NICN1: variants seen among roughly 807,000 people sequenced by gnomAD.
The protein encoded by NICN1 is nicolin 1, tubulin polyglutamylase complex subunit.
A neutral mutation model predicts 26.3 loss-of-function variants in NICN1; 18 were observed. That is an observed-to-expected ratio of 0.68 (90% CI 0.47 to 1.01). The LOEUF (loss-of-function observed/expected upper bound fraction) is 1.01. Ranked by LOEUF, NICN1 falls within the 50% of genes least tolerant of loss-of-function variation. NICN1 has a pLI of 0.00. For missense variants in NICN1, 239 were observed against 278.3 expected (o/e 0.86, Z 1.00); for synonymous variants, 109 against 111.0 (o/e 0.98, Z 0.11).
intron 1 of NICN1, among the ~76,000 whole-genome samples, chr3:49,428,048 G>A (rs1227567349): frequency 2.0e-5 from 3 of 152,122 alleles, no homozygotes; most frequent in South Asian, 2.1e-4. Flanking sequence ...GTGAAACCCC[G>A]TTTCTACTAA....
intron 1 of NICN1, among the ~76,000 whole-genome samples, chr3:49,428,056 T>TA (rs1301093954): frequency 6.6e-6 from 1 of 152,010 alleles, no homozygotes; most frequent in Non-Finnish European, 1.5e-5. Flanking sequence ...CCGTTTCTAC[T>TA]AAAAATACAA....
In NICN1 at chr3:49,429,273, C is replaced by T. The variant is rs2049199988; in HGVS notation, c.-34G>A. 3.8e-6 allele frequency: 6 copies of T among 1,563,660 alleles called. No individual in the cohort carries two copies. The highest frequency in any genetic ancestry group is 1.4e-5 in the African/African-American group (1 of 72,468). Reference sequence around the variant, plus strand: ...CAGCCGCAACTAAGTGCAACCGCCGCTCTAGGCCCCCGACCACCAGCCCTT... The same window carrying T: ...CAGCCGCAACTAAGTGCAACCGCCGTTCTAGGCCCCCGACCACCAGCCCTT... On this transcript the variant is annotated 5_prime_UTR_variant, in exon 1 of 6. Transcript: ENST00000273598.
intron 1 of NICN1, among the ~76,000 whole-genome samples, chr3:49,428,368 C>T (rs959804260): frequency 1.3e-5 from 2 of 152,030 alleles, no homozygotes; most frequent in South Asian, 4.1e-4. Context: ...TGGAGATTGG[C>T]AACTCGAGTC....
chr3:49,426,518 C>G, intron 1 of NICN1, 90 bp from the exon 2 acceptor site: 1 of 935,108 alleles, frequency 1.1e-6, no homozygotes, highest in Non-Finnish European at 1.6e-6. Context: ...TCTTCCTTCT[C>G]CCCACCTTTT....
At chr3:49,425,259 C>G (rs2049161383) in intron 4 of NICN1, 108 bp downstream of exon 4, 1 of 993,178 alleles carries the variant, frequency 1.0e-6, no homozygotes, top group African/African-American at 1.6e-5. Flanking sequence ...AAGATAACAC[C>G]CAAGGGCCCT....
intron 4 of NICN1, 36 bp from the exon 5 acceptor site, chr3:49,425,089 C>T (rs1483637336): frequency 1.3e-6 from 2 of 1,566,658 alleles, no homozygotes; most frequent in Non-Finnish European, 1.8e-6. Context: ...CCATGGGTCT[C>T]TCCCCAGCAG....
At position 49,424,930 on chromosome 3, in the gene NICN1, G is replaced by A. The variant is rs1275369975; in HGVS notation, c.600+19C>T. On this transcript the variant is annotated intron_variant, in intron 5 of 5. Transcript: ENST00000273598. ...TGCTCAGGGCAAAGCAAGCCAAGCAGAAGGAAGCGATTACTTACATCAAAG... is the reference window on the plus strand; with the variant it reads ...TGCTCAGGGCAAAGCAAGCCAAGCAAAAGGAAGCGATTACTTACATCAAAG... 1.2e-6 allele frequency: 2 copies of A among 1,613,592 alleles called. No individual in the cohort carries two copies. Among genetic ancestry groups the A allele is most frequent in the East Asian group, 2.2e-5 (1 of 44,862 alleles).
chr3:49,422,356 C>G lies in NICN1; in HGVS notation c.*2477G>C, dbSNP rs1048913285. On this transcript the variant is annotated 3_prime_UTR_variant, in exon 6 of 6. Coordinates refer to ENST00000273598, the MANE Select transcript of NICN1 (RefSeq NM_032316.3). ...ACCCTCCAAGATCAGCACCCTCTAT[C>G]CCACCTGTGCGCAACTAAGTGGACG... 1.4e-6 allele frequency: 2 copies of G among 1,414,652 alleles called. No individual in the cohort carries two copies. Among genetic ancestry groups the G allele is most frequent in the African/African-American group, 2.9e-5 (2 of 69,396 alleles). 87.6% of individuals were successfully genotyped at this position (1,414,652 alleles called of 1,614,324 possible).
chr3:49,427,146 C>T (rs1277891501), intron 1 of NICN1, among the ~76,000 whole-genome samples: 2 of 151,914 alleles, frequency 1.3e-5, no homozygotes, highest in Non-Finnish European at 2.9e-5. Context: ...ACAGTGAAAC[C>T]CCGTCTCTAC....
At chr3:49,425,127 C>A in intron 4 of NICN1, 74 bp from the exon 5 acceptor site, 1 of 1,284,654 alleles carries the variant, frequency 7.8e-7, no homozygotes, top group South Asian at 1.2e-5. Flanking sequence ...AGAGGCCAAC[C>A]TGGGCTAGGG....
In NICN1 at chr3:49,425,338, C is replaced by T. The variant is rs757381884; in HGVS notation, c.495+29G>A. On this transcript the variant is annotated intron_variant, in intron 4 of 5. Coordinates refer to ENST00000273598, the MANE Select transcript of NICN1 (RefSeq NM_032316.3). ...GTGTTGGACACTAGAGCCATTCACA[C>T]ATGGTTCTTACCTAGGGTGAGGGCT... The T allele has an allele frequency of 2.5e-6, 4 of 1,583,676 alleles. No individual in the cohort carries two copies. The East Asian group carries it at 9.0e-5, about 36-fold the overall frequency.
Position 49,425,866 on chromosome 3 carries a change from C to G in NICN1, c.423+17G>C. 4 of 1,398,570 alleles carry G rather than the reference C, an allele frequency of 2.9e-6. No individual in the cohort carries two copies. The highest frequency in any genetic ancestry group is 4.0e-6 in the Non-Finnish European group (4 of 992,450). The allele number at this position is 1,398,570 out of a possible 1,614,324, so 86.6% of individuals were successfully genotyped here. On this transcript the variant is annotated intron_variant, in intron 3 of 5. Transcript: ENST00000273598. ...TTCTGGGGAAAGGGCCAGCCAGCAG[C>G]TGAGCTAGTCACTTACCTTTGGTCC...
At chr3:49,425,102 C>T (rs753010887) in intron 4 of NICN1, 49 bp from the exon 5 acceptor site, 3 of 1,507,568 alleles carry the variant, frequency 2.0e-6, no homozygotes, top group Admixed American at 1.7e-5. Context: ...CCCAGCAGTG[C>T]CCTTCAGGCT....
In NICN1 at chr3:49,425,135, G is replaced by A. The variant is rs1201397944; in HGVS notation, c.496-82C>T. 6 of 1,179,470 alleles carry A rather than the reference G, an allele frequency of 5.1e-6. No homozygotes were observed. The Admixed American group carries it at 1.1e-4, about 22-fold the overall frequency. The allele number at this position is 1,179,470 out of a possible 1,614,324, so 73.1% of individuals were successfully genotyped here. On this transcript the variant is annotated intron_variant, in intron 4 of 5. Coordinates refer to ENST00000273598, the MANE Select transcript of NICN1 (RefSeq NM_032316.3). ...GCTCCAGAGAGGCCAACCTGGGCTA[G>A]GGGCCCTCCAGCTGAGACCAACAAC...
At position 49,422,799 on chromosome 3, in the gene NICN1, C is replaced by A; in HGVS notation, c.*2034G>T. ...AAAGGGCTGAAAGGTCTGAATCATA[C>A]CTTTAGGACCTCAAGAGAGTAAGGT... On this transcript the variant is annotated 3_prime_UTR_variant, in exon 6 of 6. Transcript: ENST00000273598. The A allele has an allele frequency of 2.4e-6, 1 of 408,496 alleles. No individual in the cohort carries two copies. The allele number at this position is 408,496 out of a possible 1,614,324, so 25.3% of individuals were successfully genotyped here. A position where few individuals can be genotyped will look rare whatever the true frequency, so the allele number is the denominator to read the frequency against.
At chr3:49,425,838 G>T in intron 3 of NICN1, 45 bp downstream of exon 3, 1 of 1,064,728 alleles carries the variant, frequency 9.4e-7, no homozygotes. Context: ...AGTCATAGAA[G>T]CTTTCTGGGG....
chr3:49,425,116 G>T, intron 4 of NICN1, 63 bp from the exon 5 acceptor site: 1 of 1,405,592 alleles, frequency 7.1e-7, no homozygotes, highest in South Asian at 1.2e-5. Context: ...TCAGGCTCCA[G>T]AGAGGCCAAC....
In NICN1 at chr3:49,422,903, T is replaced by G; in HGVS notation, c.*1930A>C. On this transcript the variant is annotated 3_prime_UTR_variant, in exon 6 of 6. Coordinates refer to ENST00000273598, the MANE Select transcript of NICN1 (RefSeq NM_032316.3). ...GTCTGTCCTCATGTGGACCCCTAGT[T>G]CCACAGCTCTCCCACCAGGCAGACA... 3.4e-6 allele frequency: 1 copy of G among 292,746 alleles called. No homozygotes were observed. The highest frequency in any genetic ancestry group is 6.8e-6 in the Non-Finnish European group (1 of 146,920). 18.1% of individuals were successfully genotyped at this position (292,746 alleles called of 1,614,324 possible).
chr3:49,424,603 A>G lies in NICN1; in HGVS notation c.*230T>C, dbSNP rs146732560. On this transcript the variant is annotated 3_prime_UTR_variant, in exon 6 of 6. Coordinates refer to ENST00000273598, the MANE Select transcript of NICN1 (RefSeq NM_032316.3). ...AACTGACTGGAGTGTTTTTGGGTAG[A>G]AGGAAGAATTGAGTTGCAGCCAGGC... 55 of 603,986 alleles carry G rather than the reference A, an allele frequency of 9.1e-5. No homozygotes were observed. In the African/African-American group the frequency reaches 9.6e-4, roughly 11 times the overall value. 37.4% of individuals were successfully genotyped at this position (603,986 alleles called of 1,614,324 possible). A position where few individuals can be genotyped will look rare whatever the true frequency, so the allele number is the denominator to read the frequency against.
Sources: gnomAD v4.1 joint callset for allele counts (sites outside exome capture counted in the v4.1 genomes callset) on GRCh38, gnomAD v4.1.1 for gene constraint, MANE v1.5 for transcripts, NCBI Gene and HGNC (gene_info 2026-07-23, HGNC 2026-07-21) for gene names.